MEIS1: variants seen among roughly 807,000 people sequenced by gnomAD.
MEIS1 encodes Meis homeobox 1.
In MEIS1, 5 loss-of-function variants were observed where a neutral mutation model predicts 50.8. That is an observed-to-expected ratio of 0.10 (90% confidence interval 0.05 to 0.21). The LOEUF is 0.21. MEIS1 is among the 10% of genes least tolerant of loss of function. The probability of loss-of-function intolerance (pLI) is 1.00; values close to 1 mark genes in which losing one functional copy is unlikely to be tolerated. For synonymous variants in MEIS1, 176 were observed against 179.3 expected (o/e 0.98, Z 0.15); for missense variants, 318 against 517.3 (o/e 0.61, Z 3.74).
chr2:66,452,572 C>T (rs1183423161), intron 6 of MEIS1, among the ~76,000 whole-genome samples: 2 of 151,882 alleles, frequency 1.3e-5, no homozygotes, highest in Non-Finnish European at 1.5e-5. Flanking sequence ...GTTTTCTTGG[C>T]TCTAGCTTCT....
chr2:66,461,612 T>C (rs1672519869), intron 6 of MEIS1, among the ~76,000 whole-genome samples: 1 of 152,118 alleles, frequency 6.6e-6, no homozygotes, highest in Admixed American at 6.5e-5. Context: ...AGGTGAAAAA[T>C]ATTGGCTCCT....
Position 66,547,946 on chromosome 2 carries a change from C to A in MEIS1, c.892C>A (p.Pro298Thr). The A allele has an allele frequency of 6.2e-7, 1 of 1,612,996 alleles. No homozygotes were observed. Among genetic ancestry groups the A allele is most frequent in the Non-Finnish European group, 8.5e-7 (1 of 1,179,216 alleles). The change falls in exon 9 of 13, where the codon CCT (proline) becomes ACT (threonine). Residue 298 changes from proline (P) to threonine (T), a missense_variant. By Grantham distance (38) the Pro-to-Thr change is conservative. Coordinates refer to ENST00000272369, the MANE Select transcript of MEIS1 (RefSeq NM_002398.3). ...TATCTTTTTTATTCTCTTTCAGCACCCTTACCCTTCTGAAGAACAGAAAAA... is the reference window on the plus strand; with the variant it reads ...TATCTTTTTTATTCTCTTTCAGCACACTTACCCTTCTGAAGAACAGAAAAA... ...RAWLFQHLTH[P>T]YPSEEQKKQL...
chr2:66,506,303 T>C (rs930899372), intron 7 of MEIS1, among the ~76,000 whole-genome samples: 1 of 152,166 alleles, frequency 6.6e-6, no homozygotes, highest in African/African-American at 2.4e-5. Context: ...GAGATGGCCA[T>C]TGAGCTGAGC....
intron 9 of MEIS1, among the ~76,000 whole-genome samples, chr2:66,555,291 AC>A (rs1441551290): frequency 4.4e-5 from 2 of 45,378 alleles, no homozygotes; most frequent in Non-Finnish European, 9.0e-5. Context: ...GTCTCTCTCC[AC>A]CCCCCAAACC....
chr2:66,440,455 C>T, intron 3 of MEIS1, 107 bp from the exon 4 acceptor site: 1 of 953,418 alleles, frequency 1.0e-6, no homozygotes, highest in Non-Finnish European at 1.7e-6. Context: ...TACTTCCTGC[C>T]CCCGACAGTG....
At chr2:66,560,503 T>C (rs1675185907) in intron 9 of MEIS1, among the ~76,000 whole-genome samples, 1 of 150,740 alleles carries the variant, frequency 6.6e-6, no homozygotes, top group Non-Finnish European at 1.5e-5. Context: ...GGAGGATCAC[T>C]CGAGCCAGGG....
At position 66,510,474 on chromosome 2, in the gene MEIS1, A is replaced by G. The variant is rs189538589; in HGVS notation, c.743-1675A>G. Among the ~76,000 whole-genome samples the G allele has an allele frequency of 9.0e-4, 137 of 152,316 alleles. 1 individual carries two copies. Among genetic ancestry groups the G allele is most frequent in the Non-Finnish European group, 1.6e-3 (109 of 68,020 alleles). ...TTTTCATGATCTTTTCCAAGTGAAC[A>G]CAAGATATGTTTCTGTTAAACTTTT... On this transcript the variant is annotated intron_variant, in intron 7 of 12. Transcript: ENST00000272369.
intron 9 of MEIS1, among the ~76,000 whole-genome samples, chr2:66,556,178 C>T (rs1283830156): frequency 6.6e-6 from 1 of 152,164 alleles, no homozygotes; most frequent in African/African-American, 2.4e-5. Flanking sequence ...ATTCTTACAA[C>T]GCTCTTAGCC....
At chr2:66,517,856 A>T (rs1674007798) in intron 8 of MEIS1, among the ~76,000 whole-genome samples, 1 of 152,224 alleles carries the variant, frequency 6.6e-6, no homozygotes, top group Admixed American at 6.5e-5. Flanking sequence ...CTGGTTATTG[A>T]AATCCTAATG....
At chr2:66,490,853 C>G (rs1044985347) in intron 7 of MEIS1, among the ~76,000 whole-genome samples, 1 of 152,150 alleles carries the variant, frequency 6.6e-6, no homozygotes, top group African/African-American at 2.4e-5. Flanking sequence ...CACTGTTAGT[C>G]CATATCGGGA....
At chr2:66,546,268 G>T (rs1374663386) in intron 8 of MEIS1, among the ~76,000 whole-genome samples, 3 of 152,154 alleles carry the variant, frequency 2.0e-5, no homozygotes, top group Non-Finnish European at 4.4e-5. Flanking sequence ...GAATCTGAGT[G>T]ACGGGAAAAG....
chr2:66,481,856 T>TC (rs1430256376), intron 7 of MEIS1, among the ~76,000 whole-genome samples: 2 of 144,708 alleles, frequency 1.4e-5, no homozygotes, highest in African/African-American at 5.1e-5. Context: ...ATTTCTTTTT[T>TC]TTTTTTTTTT....
At chr2:66,526,983 A>G (rs775051947) in intron 8 of MEIS1, among the ~76,000 whole-genome samples, 43 of 152,176 alleles carry the variant, frequency 2.8e-4, no homozygotes, top group Non-Finnish European at 5.1e-4. Flanking sequence ...TTCATATTGG[A>G]CCAGACACCA....
chr2:66,477,165 G>T (rs889202287), intron 7 of MEIS1, among the ~76,000 whole-genome samples: 1 of 152,156 alleles, frequency 6.6e-6, no homozygotes, highest in Non-Finnish European at 1.5e-5. Flanking sequence ...AAGTGAAGGA[G>T]GAATTGGAGC....
At position 66,544,857 on chromosome 2, in the gene MEIS1, G is replaced by A. The variant is rs374745097; in HGVS notation, c.889-3086G>A. 2.6e-4 allele frequency among the ~76,000 whole-genome samples: 39 copies of A among 152,232 alleles called. No individual in the cohort carries two copies. The South Asian group carries it at 8.1e-3, about 32-fold the overall frequency. ...TATGAAATCAGAAACTATATGATGT[G>A]AAGAAACAACTGAAATTTGCACTGA... On this transcript the variant is annotated intron_variant, in intron 8 of 12. Transcript: ENST00000272369.
chr2:66,530,443 G>T (rs1014266726), intron 8 of MEIS1, among the ~76,000 whole-genome samples: 1 of 151,076 alleles, frequency 6.6e-6, no homozygotes, highest in East Asian at 2.0e-4. Flanking sequence ...GGCCGGGTAC[G>T]GTGGCTCACG....
chr2:66,528,642 G>T (rs1674315288), intron 8 of MEIS1, among the ~76,000 whole-genome samples: 3 of 151,976 alleles, frequency 2.0e-5, no homozygotes, highest in Admixed American at 2.0e-4. Flanking sequence ...TAGCTCCATT[G>T]CCACTGCCAC....
Position 66,454,267 on chromosome 2 carries a change from G to C in MEIS1, c.631-9842G>C, listed in dbSNP as rs542243273. ...ATTGGGTTTATGGAGGAAGGATTGG[G>C]TGCTGGTTGATGGGGCTGTTGTTTT... On this transcript the variant is annotated intron_variant, in intron 6 of 12. Coordinates refer to ENST00000272369, the MANE Select transcript of MEIS1 (RefSeq NM_002398.3). 1.9e-4 allele frequency among the ~76,000 whole-genome samples: 29 copies of C among 152,132 alleles called. 1 individual carries two copies. Among genetic ancestry groups the C allele is most frequent in the African/African-American group, 6.5e-4 (27 of 41,544 alleles).
At chr2:66,518,131 AG>A (rs1674015316) in intron 8 of MEIS1, among the ~76,000 whole-genome samples, 2 of 152,270 alleles carry the variant, frequency 1.3e-5, no homozygotes, top group South Asian at 2.1e-4. Flanking sequence ...GGGTAATTAC[AG>A]TCAGTTGATG....
Sources: allele counts gnomAD v4.1 joint callset (sites outside exome capture counted in the v4.1 genomes callset), GRCh38; gene constraint gnomAD v4.1.1; transcripts MANE v1.5; gene names NCBI Gene and HGNC (gene_info 2026-07-23, HGNC 2026-07-21).